The following TWSG1 variants were observed in gnomAD, a reference collection of about 807,000 sequenced individuals.
TWSG1 encodes the protein twisted gastrulation BMP signaling modulator 1, also known as twisted gastrulation protein homolog 1.
TWSG1 carries 15 observed loss-of-function variants against 23.0 expected under a neutral mutation model. The ratio of observed to expected loss-of-function variants is 0.65; its 90% CI spans 0.44 to 1.00. The LOEUF (loss-of-function observed/expected upper bound fraction) is 1.00. TWSG1 is among the 50% of genes least tolerant of loss of function. The pLI, the probability that TWSG1 is intolerant of heterozygous loss-of-function variation, is 0.00. For missense variants in TWSG1, 242 were observed against 278.7 expected (o/e 0.87, Z 0.94); for synonymous variants, 86 against 92.8 (o/e 0.93, Z 0.42).
intron 3 of TWSG1, among the ~76,000 whole-genome samples, chr18:9,389,783 C>T (rs1037057783): frequency 4.6e-5 from 7 of 152,068 alleles, no homozygotes; most frequent in East Asian, 1.9e-4. Flanking sequence ...CTAATAGATG[C>T]GAAACAAAAA....
chr18:9,335,892 G>A (rs1349528616), intron 1 of TWSG1, among the ~76,000 whole-genome samples: 2 of 151,908 alleles, frequency 1.3e-5, no homozygotes, highest in African/African-American at 4.8e-5. Flanking sequence ...TCCCTCTTAC[G>A]TCAGTAGTCA....
At chr18:9,339,609 C>G (rs905049794) in intron 2 of TWSG1, among the ~76,000 whole-genome samples, 1 of 151,930 alleles carries the variant, frequency 6.6e-6, no homozygotes, top group African/African-American at 2.4e-5. Flanking sequence ...TGTGAGTCAC[C>G]GTGCCTGGCC....
chr18:9,337,305 T>G lies in TWSG1; in HGVS notation c.76T>G (p.Cys26Gly). The change falls in exon 2 of 5, where the codon TGT (cysteine) becomes GGT (glycine). Residue 26 changes from cysteine to glycine, a missense_variant. By Grantham distance (159) the Cys-to-Gly change is radical. Transcript: ENST00000262120. ...GACATGGCTTCCAGAATCACTGAGCTGTAACAAAGCACTCTGTGCTAGTGA... is the reference window on the plus strand; with the variant it reads ...GACATGGCTTCCAGAATCACTGAGCGGTAACAAAGCACTCTGTGCTAGTGA... Reference protein sequence around the residue: ...FLTWLPESLSCNKALCASDVS... With the variant: ...FLTWLPESLSGNKALCASDVS... 6.2e-7 allele frequency: 1 copy of G among 1,613,710 alleles called. No homozygotes were observed. Among genetic ancestry groups the G allele is most frequent in the Non-Finnish European group, 8.5e-7 (1 of 1,179,984 alleles).
chr18:9,378,797 A>G (rs2145622909), intron 3 of TWSG1, among the ~76,000 whole-genome samples: 2 of 150,858 alleles, frequency 1.3e-5, no homozygotes, highest in Admixed American at 1.3e-4. Flanking sequence ...TTAACGAAAT[A>G]CCATCTCTAC....
chr18:9,353,878 C>G (rs1454729440), intron 2 of TWSG1, among the ~76,000 whole-genome samples: 1 of 152,166 alleles, frequency 6.6e-6, no homozygotes, highest in African/African-American at 2.4e-5. Context: ...GTATTGCATT[C>G]CAAGTCACTG....
intron 2 of TWSG1, among the ~76,000 whole-genome samples, chr18:9,346,944 A>G (rs1045433193): frequency 6.6e-6 from 1 of 152,190 alleles, no homozygotes; most frequent in Non-Finnish European, 1.5e-5. Context: ...TTGCATTCCT[A>G]CCAGCAATGA....
At chr18:9,351,671 G>C (rs1027960430) in intron 2 of TWSG1, among the ~76,000 whole-genome samples, 7 of 146,154 alleles carry the variant, frequency 4.8e-5, no homozygotes, top group Non-Finnish European at 7.5e-5. Flanking sequence ...TTGAGACAGA[G>C]TCTCGCTTTG....
At chr18:9,368,720 G>A (rs141483954) in intron 3 of TWSG1, among the ~76,000 whole-genome samples, 22 of 152,250 alleles carry the variant, frequency 1.4e-4, no homozygotes, top group African/African-American at 4.3e-4. Context: ...GGCCAAGGAG[G>A]GCAGATCACC....
chr18:9,374,583 T>C (rs908560442), intron 3 of TWSG1, among the ~76,000 whole-genome samples: 4 of 152,214 alleles, frequency 2.6e-5, no homozygotes, highest in Non-Finnish European at 5.9e-5. Flanking sequence ...GGTTTACTGG[T>C]AAATTCTACC....
At chr18:9,387,660 C>T (rs2040691421) in intron 3 of TWSG1, among the ~76,000 whole-genome samples, 1 of 151,208 alleles carries the variant, frequency 6.6e-6, no homozygotes, top group Non-Finnish European at 1.5e-5. Flanking sequence ...GTCCCAGCTA[C>T]TTGGGAGGCT....
intron 2 of TWSG1, among the ~76,000 whole-genome samples, chr18:9,340,914 G>C (rs2040444011): frequency 6.6e-6 from 1 of 152,152 alleles, no homozygotes; most frequent in South Asian, 2.1e-4. Flanking sequence ...TAGTGGCCAC[G>C]TATTGGACAT....
intron 2 of TWSG1, 64 bp from the exon 3 acceptor site, chr18:9,359,908 A>T (rs2145607339): frequency 1.8e-5 from 25 of 1,355,054 alleles, no homozygotes; most frequent in Admixed American, 1.8e-4. Context: ...TTTTTTGCTT[A>T]AAAAGTAGCA....
chr18:9,337,286 G>T lies in TWSG1; in HGVS notation c.57G>T (p.Trp19Cys). ...LTLAILMFLT[W>C]LPESLSCNKA... Reference sequence around the variant, plus strand: ...TAGCCATCCTGATGTTCCTGACATGGCTTCCAGAATCACTGAGCTGTAACA... The same window carrying T: ...TAGCCATCCTGATGTTCCTGACATGTCTTCCAGAATCACTGAGCTGTAACA... Residue 19 changes from tryptophan to cysteine, a missense_variant, in exon 2 of 5, where the codon TGG becomes TGT. Transcript: ENST00000262120. 1 of 1,613,506 alleles carries T rather than the reference G, an allele frequency of 6.2e-7. No individual in the cohort carries two copies. The highest frequency in any genetic ancestry group is 8.5e-7 in the Non-Finnish European group (1 of 1,180,000).
chr18:9,364,468 T>C (rs1389795271), intron 3 of TWSG1, among the ~76,000 whole-genome samples: 2 of 152,176 alleles, frequency 1.3e-5, no homozygotes, highest in Non-Finnish European at 2.9e-5. Flanking sequence ...CCCTTCTTGA[T>C]GACCATTGCC....
At chr18:9,342,388 C>CT (rs2040449918) in intron 2 of TWSG1, among the ~76,000 whole-genome samples, 1 of 152,118 alleles carries the variant, frequency 6.6e-6, no homozygotes, top group East Asian at 1.9e-4. Flanking sequence ...TGTTTTGTAA[C>CT]TCTATTTGAA....
intron 3 of TWSG1, among the ~76,000 whole-genome samples, chr18:9,371,687 T>G (rs1053826607): frequency 1.3e-5 from 2 of 152,214 alleles, no homozygotes; most frequent in African/African-American, 2.4e-5. Flanking sequence ...CTCTGCCTTT[T>G]TAGAAGACAT....
intron 2 of TWSG1, among the ~76,000 whole-genome samples, chr18:9,358,828 G>T (rs1224712547): frequency 6.6e-6 from 1 of 152,106 alleles, no homozygotes; most frequent in African/African-American, 2.4e-5. Context: ...AATCAGTTTT[G>T]TCATAAGTTA....
intron 3 of TWSG1, among the ~76,000 whole-genome samples, chr18:9,387,438 T>G (rs567867146): frequency 4.8e-4 from 73 of 152,280 alleles, no homozygotes; most frequent in African/African-American, 1.7e-3. Flanking sequence ...CCACATTCAC[T>G]TTATCCTTTT....
chr18:9,396,198 G>T, intron 3 of TWSG1, 82 bp from the exon 4 acceptor site: 48 of 833,892 alleles, frequency 5.8e-5, no homozygotes, highest in Non-Finnish European at 7.1e-5. Context: ...TGTAATCCTA[G>T]AAGTTACATA....
Sources: gnomAD v4.1 joint callset for allele counts (sites outside exome capture counted in the v4.1 genomes callset) on GRCh38, gnomAD v4.1.1 for gene constraint, MANE v1.5 for transcripts, NCBI Gene and HGNC (gene_info 2026-07-23, HGNC 2026-07-21) for gene names.